The following CPNE4 variants were observed in gnomAD, a reference collection of about 807,000 sequenced individuals.
CPNE4 encodes the protein copine-4.
A neutral mutation model predicts 67.9 loss-of-function variants in CPNE4; 25 were observed. The ratio of observed to expected loss-of-function variants is 0.37; its 90% confidence interval spans 0.27 to 0.51. CPNE4 has a LOEUF of 0.51. Among genes scored for constraint, CPNE4 ranks in the 20% least tolerant of loss-of-function variants. CPNE4 has a pLI of 0.93. For synonymous variants in CPNE4, 242 were observed against 244.9 expected, an observed-to-expected ratio of 0.99 and a Z score of 0.11; for missense variants, 464 against 690.8, an observed-to-expected ratio of 0.67 and a Z score of 3.68.
chr3:131,624,769 A>C (rs957451264), intron 7 of CPNE4, among the ~76,000 whole-genome samples: 1 of 148,030 alleles, frequency 6.8e-6, no homozygotes, highest in Non-Finnish European at 1.5e-5. Flanking sequence ...CGTTTCTCCT[A>C]AGACTGGTTC....
At chr3:131,747,247 A>C (rs2082514422) in intron 2 of CPNE4, among the ~76,000 whole-genome samples, 2 of 150,532 alleles carry the variant, frequency 1.3e-5, no homozygotes, top group African/African-American at 2.4e-5. Flanking sequence ...TGTTCTGTTG[A>C]TTGATTATTT....
At chr3:131,993,628 G>A (rs1351572137) in intron 1 of CPNE4, among the ~76,000 whole-genome samples, 4 of 134,876 alleles carry the variant, frequency 3.0e-5, no homozygotes, top group Non-Finnish European at 6.7e-5. Flanking sequence ...GCTCTAGAAA[G>A]TTTTCTAACC....
At chr3:131,699,011 A>G (rs1264930972) in intron 4 of CPNE4, among the ~76,000 whole-genome samples, 1 of 151,578 alleles carries the variant, frequency 6.6e-6, no homozygotes. Flanking sequence ...CTCTCTAGCA[A>G]TTCAGAATTT....
chr3:131,728,666 T>C (rs2082056197), intron 2 of CPNE4, among the ~76,000 whole-genome samples: 1 of 151,960 alleles, frequency 6.6e-6, no homozygotes, highest in South Asian at 2.1e-4. Flanking sequence ...ATCCCAGCAC[T>C]TTGGGAGGCC....
intron 2 of CPNE4, among the ~76,000 whole-genome samples, chr3:131,785,420 C>A (rs2083532017): frequency 6.6e-6 from 1 of 152,056 alleles, no homozygotes; most frequent in Non-Finnish European, 1.5e-5. Context: ...TTTCACCTTC[C>A]CCATGAGGCC....
At chr3:131,555,716 T>C (rs942145695) in intron 11 of CPNE4, among the ~76,000 whole-genome samples, 165 bp from the exon 12 acceptor site, 1 of 152,068 alleles carries the variant, frequency 6.6e-6, no homozygotes, top group East Asian at 1.9e-4. Flanking sequence ...AGCAATAGCA[T>C]GGATAATTAA....
chr3:131,975,733 G>A (rs891005666), intron 1 of CPNE4, among the ~76,000 whole-genome samples: 3 of 152,126 alleles, frequency 2.0e-5, no homozygotes, highest in Admixed American at 1.3e-4. Flanking sequence ...AGTATAGGCT[G>A]AAGTTCTTAG....
At chr3:131,981,628 AATTG>A (rs2072911895) in intron 1 of CPNE4, among the ~76,000 whole-genome samples, 1 of 152,042 alleles carries the variant, frequency 6.6e-6, no homozygotes, top group Non-Finnish European at 1.5e-5. Flanking sequence ...ATCCAGTTCA[AATTG>A]TTACAAAGTT....
At chr3:131,751,679 G>A (rs1267052702) in intron 2 of CPNE4, among the ~76,000 whole-genome samples, 2 of 151,510 alleles carry the variant, frequency 1.3e-5, no homozygotes, top group African/African-American at 2.4e-5. Flanking sequence ...AGATAATCCT[G>A]GCTTTTGGTA....
chr3:131,632,635 G>A (rs1474870774), intron 7 of CPNE4, among the ~76,000 whole-genome samples: 1 of 152,000 alleles, frequency 6.6e-6, no homozygotes, highest in Non-Finnish European at 1.5e-5. Flanking sequence ...AGACTATCCT[G>A]TTTTTTCCCC....
At chr3:131,935,247 C>T (rs1029547976) in intron 1 of CPNE4, among the ~76,000 whole-genome samples, 1 of 151,956 alleles carries the variant, frequency 6.6e-6, no homozygotes, top group South Asian at 2.1e-4. Context: ...ATTGAGAGTA[C>T]TTGCAAGAGA....
intron 2 of CPNE4, among the ~76,000 whole-genome samples, chr3:131,763,982 T>C (rs1315432459): frequency 6.6e-6 from 1 of 152,114 alleles, no homozygotes; most frequent in Admixed American, 6.6e-5. Flanking sequence ...AAAATTTTAA[T>C]TTAATCCTCA....
At chr3:131,759,229 G>C (rs1246745659) in intron 2 of CPNE4, among the ~76,000 whole-genome samples, 2 of 152,186 alleles carry the variant, frequency 1.3e-5, no homozygotes, top group East Asian at 1.9e-4. Flanking sequence ...AGGATCTAGG[G>C]GTAACCAGTT....
intron 7 of CPNE4, among the ~76,000 whole-genome samples, chr3:131,605,561 T>C (rs1257461869): frequency 6.6e-6 from 1 of 152,110 alleles, no homozygotes; most frequent in Non-Finnish European, 1.5e-5. Flanking sequence ...TGCAGGCAAT[T>C]CAGTGTGAAA....
chr3:131,917,000 G>T (rs1355677774), intron 1 of CPNE4, among the ~76,000 whole-genome samples: 1 of 152,138 alleles, frequency 6.6e-6, no homozygotes, highest in Non-Finnish European at 1.5e-5. Context: ...TTAGCTGCTA[G>T]GCTTTTCATC....
intron 2 of CPNE4, among the ~76,000 whole-genome samples, chr3:131,730,243 A>G (rs1015817695): frequency 1.3e-5 from 2 of 152,212 alleles, no homozygotes; most frequent in Non-Finnish European, 2.9e-5. Context: ...TATAATTGAT[A>G]TGTCATAGTA....
chr3:131,816,677 A>C (rs1313776814), intron 2 of CPNE4, among the ~76,000 whole-genome samples: 1 of 152,226 alleles, frequency 6.6e-6, no homozygotes, highest in Non-Finnish European at 1.5e-5. Flanking sequence ...AAATGAGCTT[A>C]ACACCCAGGG....
intron 2 of CPNE4, among the ~76,000 whole-genome samples, chr3:131,741,645 T>C (rs2082358313): frequency 6.6e-6 from 1 of 152,084 alleles, no homozygotes; most frequent in South Asian, 2.1e-4. Context: ...AAAGAGTTGG[T>C]ACTTTAATTA....
intron 2 of CPNE4, among the ~76,000 whole-genome samples, chr3:131,873,804 A>G (rs73206006): frequency 0.076 from 11,554 of 152,208 alleles, 583 homozygotes; most frequent in East Asian, 0.17. Context: ...AAGTGGTAGT[A>G]CATCCTGTGT....
Sources: gnomAD v4.1 joint callset for allele counts (sites outside exome capture counted in the v4.1 genomes callset) on GRCh38, gnomAD v4.1.1 for gene constraint, MANE v1.5 for transcripts, NCBI Gene and HGNC (gene_info 2026-07-23, HGNC 2026-07-21) for gene names.